Variants in GBE1 observed in about 807,000 individuals in gnomAD.
GBE1 encodes 1,4-alpha-glucan branching enzyme 1, also known as 1,4-alpha-glucan-branching enzyme.
Under a neutral mutation model 88.8 loss-of-function variants are expected in GBE1, and 70 were observed. That is an observed-to-expected ratio of 0.79 (90% CI 0.65 to 0.96). GBE1 has a LOEUF of 0.96. GBE1 is among the 40% of genes least tolerant of loss of function. The pLI is 0.00. For missense variants in GBE1, 872 were observed against 871.0 expected, an observed-to-expected ratio of 1.00 and a Z score of -0.01; for synonymous variants, 284 against 300.1, an observed-to-expected ratio of 0.95 and a Z score of 0.56.
chr3:81,643,727 C>T (rs1156291617), intron 6 of GBE1, among the ~76,000 whole-genome samples: 3 of 152,146 alleles, frequency 2.0e-5, no homozygotes, highest in Admixed American at 1.3e-4. Flanking sequence ...TTGAGGGCAG[C>T]GGCTGTTACT....
At chr3:81,725,624 T>C (rs1269228137) in intron 1 of GBE1, among the ~76,000 whole-genome samples, 2 of 152,208 alleles carry the variant, frequency 1.3e-5, no homozygotes, top group Non-Finnish European at 2.9e-5. Context: ...AAGCAGTATA[T>C]ACTGTATATA....
intron 14 of GBE1, among the ~76,000 whole-genome samples, chr3:81,503,025 A>AAG (rs1278143694): frequency 8.5e-5 from 13 of 152,168 alleles, no homozygotes; most frequent in Admixed American, 2.0e-4. Flanking sequence ...TTTCCCAATA[A>AAG]AACTTTGAAA....
intron 7 of GBE1, among the ~76,000 whole-genome samples, chr3:81,628,777 A>ATATATATATATG (rs1553687067): frequency 7.5e-6 from 1 of 133,712 alleles, no homozygotes; most frequent in Admixed American, 8.1e-5. Context: ...ATATATATAT[A>ATATATATATATG]TATATAGCAA....
At chr3:81,609,269 G>A (rs1188472462) in intron 7 of GBE1, among the ~76,000 whole-genome samples, 10 of 152,106 alleles carry the variant, frequency 6.6e-5, no homozygotes. Flanking sequence ...ATTTTGGGAT[G>A]ACATATCCTC....
At chr3:81,539,739 G>A (rs929741805) in intron 12 of GBE1, among the ~76,000 whole-genome samples, 3 of 152,010 alleles carry the variant, frequency 2.0e-5, no homozygotes, top group Non-Finnish European at 4.4e-5. Context: ...GAGTTCAGAA[G>A]GCTGAGTAGT....
chr3:81,654,853 A>G (rs1704908217), intron 3 of GBE1: 1 of 152,216 alleles, frequency 6.6e-6, no homozygotes, highest in Non-Finnish European at 1.5e-5. Flanking sequence ...AAGGTGTAAA[A>G]CAATGTTTTG....
At chr3:81,648,721 A>T in intron 5 of GBE1, 135 bp downstream of exon 5, 1 of 468,320 alleles carries the variant, frequency 2.1e-6, no homozygotes, top group Non-Finnish European at 3.7e-6. Flanking sequence ...CAATTTGAGA[A>T]GCCTAAAATA....
chr3:81,714,199 C>A (rs1705909512), intron 1 of GBE1, among the ~76,000 whole-genome samples: 1 of 152,162 alleles, frequency 6.6e-6, no homozygotes, highest in Non-Finnish European at 1.5e-5. Context: ...AATACTGGCA[C>A]ATAAGTTTTC....
intron 3 of GBE1, among the ~76,000 whole-genome samples, chr3:81,661,126 A>T (rs1257668528): frequency 3.3e-5 from 5 of 152,108 alleles, no homozygotes; most frequent in East Asian, 1.9e-4. Context: ...TTTATTTTTT[A>T]AAAAAAGTAT....
intron 14 of GBE1, among the ~76,000 whole-genome samples, chr3:81,505,893 G>A (rs576158415): frequency 6.6e-6 from 1 of 151,984 alleles, no homozygotes; most frequent in African/African-American, 2.4e-5. Flanking sequence ...ACTGAAACTG[G>A]ACCCTCCCTT....
At chr3:81,511,402 G>T (rs900622243) in intron 14 of GBE1, among the ~76,000 whole-genome samples, 1 of 152,000 alleles carries the variant, frequency 6.6e-6, no homozygotes, top group Non-Finnish European at 1.5e-5. Context: ...CAGAATGGGA[G>T]AAAATATTTG....
chr3:81,525,870 T>C (rs758755358), intron 14 of GBE1, among the ~76,000 whole-genome samples: 1 of 152,066 alleles, frequency 6.6e-6, no homozygotes, highest in African/African-American at 2.4e-5. Context: ...TGGGGGTTGG[T>C]GGTGATATCC....
intron 14 of GBE1, among the ~76,000 whole-genome samples, chr3:81,517,813 T>G (rs1702818298): frequency 6.6e-6 from 1 of 151,352 alleles, no homozygotes; most frequent in Non-Finnish European, 1.5e-5. Context: ...ATTTTAAACC[T>G]TCAGGAGTTA....
At chr3:81,707,184 A>C (rs1371435674) in intron 1 of GBE1, among the ~76,000 whole-genome samples, 1 of 152,070 alleles carries the variant, frequency 6.6e-6, no homozygotes, top group Admixed American at 6.6e-5. Context: ...CAATTTAAGC[A>C]ACTGAAATTC....
At chr3:81,576,413 T>C (rs1703648418) in intron 12 of GBE1, among the ~76,000 whole-genome samples, 1 of 152,220 alleles carries the variant, frequency 6.6e-6, no homozygotes, top group South Asian at 2.1e-4. Flanking sequence ...TGATAGTAAT[T>C]TTATACTTTT....
In GBE1 at chr3:81,489,913, T is replaced by G. The variant is rs145934828; in HGVS notation, c.*494A>C. 34 of 155,182 alleles carry G rather than the reference T, an allele frequency of 2.2e-4. No individual in the cohort carries two copies. Among genetic ancestry groups the G allele is most frequent in the Non-Finnish European group, 3.8e-4 (27 of 70,226 alleles). 9.6% of individuals were successfully genotyped at this position (155,182 alleles called of 1,614,324 possible). A position where few individuals can be genotyped will look rare whatever the true frequency, so the allele number is the denominator to read the frequency against. ...TGGATATAATTCTTTATATCACTAC[T>G]GCATATTTATTACAGTATTTCTAAA... On this transcript the variant is annotated 3_prime_UTR_variant, in exon 16 of 16. Transcript: ENST00000429644.
At chr3:81,575,634 G>A (rs149508283) in intron 12 of GBE1, among the ~76,000 whole-genome samples, 2 of 152,202 alleles carry the variant, frequency 1.3e-5, no homozygotes, top group Non-Finnish European at 2.9e-5. Flanking sequence ...AAATTAACAA[G>A]TTTAGAAATG....
chr3:81,726,492 GA>G (rs1450059039), intron 1 of GBE1, among the ~76,000 whole-genome samples: 1 of 151,232 alleles, frequency 6.6e-6, no homozygotes, highest in Non-Finnish European at 1.5e-5. Flanking sequence ...TTTTTTTTAA[GA>G]AAAAAATTTA....
intron 2 of GBE1, among the ~76,000 whole-genome samples, chr3:81,676,905 A>G (rs1032631239): frequency 1.3e-5 from 2 of 152,206 alleles, no homozygotes; most frequent in African/African-American, 2.4e-5. Context: ...TATGAACTGC[A>G]AACACACATT....
Sources: allele counts gnomAD v4.1 joint callset (sites outside exome capture counted in the v4.1 genomes callset), GRCh38; gene constraint gnomAD v4.1.1; transcripts MANE v1.5; gene names NCBI Gene and HGNC (gene_info 2026-07-23, HGNC 2026-07-21).